The following TDRD10 variants were observed in gnomAD, a reference collection of about 807,000 sequenced individuals.
The protein encoded by TDRD10 is tudor domain-containing protein 10.
A neutral mutation model predicts 48.0 loss-of-function variants in TDRD10; 40 were observed. That is an observed-to-expected ratio of 0.83 (90% confidence interval 0.65 to 1.09). The LOEUF is 1.09. TDRD10 is among the 50% of genes least tolerant of loss of function. TDRD10 has a pLI of 0.00. For synonymous variants in TDRD10, 162 were observed against 170.4 expected (o/e 0.95, Z 0.38); for missense variants, 378 against 434.7 (o/e 0.87, Z 1.16).
At chr1:154,547,349 T>G (rs973077840) in intron 11 of TDRD10, 60 bp from the exon 12 acceptor site, 14 of 1,600,878 alleles carry the variant, frequency 8.7e-6, no homozygotes, top group Middle Eastern at 1.7e-4. Context: ...GCTTCCCTCC[T>G]TTGCTCCTCC....
intron 6 of TDRD10, among the ~76,000 whole-genome samples, chr1:154,526,941 C>A (rs1694352282): frequency 6.6e-6 from 1 of 150,570 alleles, no homozygotes; most frequent in Non-Finnish European, 1.5e-5. Context: ...CAGAGTCTCG[C>A]TCTTGTCACC....
Position 154,538,184 on chromosome 1 carries a change from T to A in TDRD10, c.370-3840T>A, listed in dbSNP as rs1424215087. Among the ~76,000 whole-genome samples, 3 of 152,246 alleles carry A rather than the reference T, an allele frequency of 2.0e-5. 1 individual carries two copies. The highest frequency in any genetic ancestry group is 4.4e-5 in the Non-Finnish European group (3 of 68,046). ...TTAGACCAAAAATGATGTGAAATGCTTCTGTATTAATAATCATTTTTAGCT... is the reference window on the plus strand; with the variant it reads ...TTAGACCAAAAATGATGTGAAATGCATCTGTATTAATAATCATTTTTAGCT... On this transcript the variant is annotated intron_variant, in intron 6 of 12. Coordinates refer to ENST00000368482, the MANE Select transcript of TDRD10 (RefSeq NM_182499.4).
At chr1:154,520,776 C>T (rs1179109209) in intron 5 of TDRD10, among the ~76,000 whole-genome samples, 1 of 152,198 alleles carries the variant, frequency 6.6e-6, no homozygotes, top group Non-Finnish European at 1.5e-5. Context: ...CTTGCTCTGT[C>T]GCTCAGGCCG....
intron 11 of TDRD10, among the ~76,000 whole-genome samples, chr1:154,546,462 GTAACATA>G (rs1695588196): frequency 7.0e-6 from 1 of 142,910 alleles, no homozygotes; most frequent in African/African-American, 2.6e-5. Context: ...TATATATTAT[GTAACATA>G]TATAATATAT....
At chr1:154,509,904 TC>T in intron 4 of TDRD10, 16 of 979,210 alleles carry the variant, frequency 1.6e-5, no homozygotes, top group Non-Finnish European at 1.9e-5. Context: ...ACCTCTCTCT[TC>T]CCCCCTCCCC....
intron 6 of TDRD10, chr1:154,534,636 A>G (rs1402892261): frequency 1.3e-5 from 2 of 152,220 alleles, no homozygotes; most frequent in Non-Finnish European, 2.9e-5. Context: ...TTTCTTTTTA[A>G]TAGATGTTTT....
intron 4 of TDRD10, among the ~76,000 whole-genome samples, chr1:154,508,854 A>T (rs1445117946): frequency 2.0e-5 from 3 of 152,162 alleles, no homozygotes; most frequent in African/African-American, 7.2e-5. Context: ...AAAAAATGAC[A>T]CCTATTTGAC....
chr1:154,544,912 C>T lies in TDRD10; in HGVS notation c.915C>T (p.Thr305=), dbSNP rs1172716465. The change falls in exon 11 of 13, where the codon ACC becomes ACT. Residue 305 remains threonine, a synonymous_variant. Transcript: ENST00000368482. ...LRSLDSDDFW[T]IPPLTQPFML... ...GCCTAGACAGCGACGACTTCTGGAC[C>T]ATCCCACCCCTGACTCAGCCATTCA... 2 of 1,614,192 alleles carry T rather than the reference C, an allele frequency of 1.2e-6. No homozygotes were observed. The highest frequency in any genetic ancestry group is 1.7e-5 in the Admixed American group (1 of 60,024).
intron 6 of TDRD10, 52 bp from the exon 7 acceptor site, chr1:154,541,972 A>G: frequency 1.9e-6 from 3 of 1,591,500 alleles, no homozygotes; most frequent in Non-Finnish European, 2.6e-6. Flanking sequence ...CATAGAAATC[A>G]ATAAAACAAA....
chr1:154,516,984 T>A (rs1570915934), intron 4 of TDRD10, among the ~76,000 whole-genome samples: 1 of 150,386 alleles, frequency 6.6e-6, no homozygotes, highest in East Asian at 1.9e-4. Context: ...TAGGTTCGGG[T>A]GGGACAGGAC....
intron 4 of TDRD10, among the ~76,000 whole-genome samples, chr1:154,511,003 G>A (rs1693437746): frequency 1.3e-5 from 2 of 151,504 alleles, no homozygotes; most frequent in African/African-American, 2.4e-5. Context: ...CTGAGATTGC[G>A]CCACTGCACT....
At chr1:154,534,008 A>G (rs889792737) in intron 6 of TDRD10, among the ~76,000 whole-genome samples, 1 of 152,022 alleles carries the variant, frequency 6.6e-6, no homozygotes, top group African/African-American at 2.4e-5. Context: ...TGCTGGGATT[A>G]TAGGCGTGAG....
At chr1:154,508,503 CT>C in intron 4 of TDRD10, 22 bp downstream of exon 4, 1 of 1,536,824 alleles carries the variant, frequency 6.5e-7, no homozygotes, top group Non-Finnish European at 9.0e-7. Context: ...TCACAATAGG[CT>C]GCTTATCTTC....
intron 6 of TDRD10, among the ~76,000 whole-genome samples, chr1:154,524,601 A>G (rs1694214247): frequency 6.6e-6 from 1 of 152,192 alleles, no homozygotes; most frequent in South Asian, 2.1e-4. Flanking sequence ...TTATCCTATT[A>G]AGGGTTTTTG....
In TDRD10 at chr1:154,541,905, G is replaced by A. The variant is rs962788194; in HGVS notation, c.370-119G>A. On this transcript the variant is annotated intron_variant, in intron 6 of 12. Coordinates refer to ENST00000368482, the MANE Select transcript of TDRD10 (RefSeq NM_182499.4). ...TGTCTCAAAAGTCAGCTCTAAAGTC[G>A]GAGTCAGAACAGGGGCTGCCGATGC... 2.7e-5 allele frequency: 25 copies of A among 931,788 alleles called. No homozygotes were observed. The African/African-American group carries it at 3.2e-4, about 12-fold the overall frequency. The allele number at this position is 931,788 out of a possible 1,614,324, so 57.7% of individuals were successfully genotyped here. A position where few individuals can be genotyped will look rare whatever the true frequency, so the allele number is the denominator to read the frequency against.
At chr1:154,512,992 G>A (rs1458825732) in intron 4 of TDRD10, among the ~76,000 whole-genome samples, 1 of 152,224 alleles carries the variant, frequency 6.6e-6, no homozygotes, top group Non-Finnish European at 1.5e-5. Flanking sequence ...CGGGAGAGAT[G>A]TTATGATGAA....
intron 6 of TDRD10, among the ~76,000 whole-genome samples, chr1:154,536,014 G>A (rs1045526414): frequency 3.9e-5 from 6 of 152,208 alleles, no homozygotes; most frequent in Non-Finnish European, 8.8e-5. Context: ...GAGGTTATAG[G>A]AAAACTTAGC....
intron 11 of TDRD10, among the ~76,000 whole-genome samples, chr1:154,546,249 TTTTTAA>T (rs1172945023): frequency 8.8e-5 from 13 of 147,548 alleles, no homozygotes; most frequent in Non-Finnish European, 1.6e-4. Flanking sequence ...AATTTTTATA[TTTTTAA>T]TAGTGACGGG....
chr1:154,515,835 C>T (rs1207392324), intron 4 of TDRD10, among the ~76,000 whole-genome samples: 1 of 152,206 alleles, frequency 6.6e-6, no homozygotes, highest in Non-Finnish European at 1.5e-5. Flanking sequence ...CTGCCTCAGC[C>T]TCCTAAGTAG....
Sources: allele counts gnomAD v4.1 joint callset (sites outside exome capture counted in the v4.1 genomes callset), GRCh38; gene constraint gnomAD v4.1.1; transcripts MANE v1.5; gene names NCBI Gene and HGNC (gene_info 2026-07-23, HGNC 2026-07-21).